Variants in COL28A1 observed in about 807,000 individuals in gnomAD.
The protein encoded by COL28A1 is collagen type XXVIII alpha 1 chain.
COL28A1 carries 161 observed loss-of-function variants against 150.2 expected under a neutral mutation model. The observed-to-expected ratio is 1.07, with a 90% CI of 0.94 to 1.22. The LOEUF (loss-of-function observed/expected upper bound fraction) is 1.22. Among genes scored for constraint, COL28A1 ranks in the 50% most tolerant of loss-of-function variants. The pLI is 0.00. For missense variants in COL28A1, 1,617 were observed against 1,388.3 expected (o/e 1.16, Z -2.62); for synonymous variants, 552 against 469.7 (o/e 1.18, Z -2.26).
chr7:7,538,714 T>A (rs1340372913), upstream of COL28A1, among the ~76,000 whole-genome samples: 3 of 152,126 alleles, frequency 2.0e-5, no homozygotes, highest in African/African-American at 7.2e-5. Context: ...GAGAATTGTA[T>A]CTGCATGAAG....
chr7:7,392,268 T>G (rs1449222660), intron 27 of COL28A1, among the ~76,000 whole-genome samples: 3 of 152,178 alleles, frequency 2.0e-5, no homozygotes, highest in Non-Finnish European at 4.4e-5. Flanking sequence ...AAATTCTGGG[T>G]TGAAAATTCT....
At chr7:7,444,529 A>G (rs763616948) in intron 18 of COL28A1, 40 bp from the exon 19 acceptor site, 26 of 1,593,614 alleles carry the variant, frequency 1.6e-5, no homozygotes, top group Non-Finnish European at 2.2e-5. Flanking sequence ...TAAAGTTCAT[A>G]CCTCCATTCT....
intron 11 of COL28A1, among the ~76,000 whole-genome samples, chr7:7,492,154 G>A (rs1779946999): frequency 6.6e-6 from 1 of 152,200 alleles, no homozygotes; most frequent in Admixed American, 6.5e-5. Flanking sequence ...TCTCTGAGAT[G>A]AAGGGAGATA....
intron 27 of COL28A1, among the ~76,000 whole-genome samples, chr7:7,415,945 G>C (rs1311965493): frequency 3.3e-5 from 5 of 152,146 alleles, no homozygotes; most frequent in Non-Finnish European, 7.3e-5. Context: ...TGGGACTACA[G>C]ACATGCACCA....
At chr7:7,344,183 G>T in the COL28A1 span, among the ~76,000 whole-genome samples, 1 of 152,046 alleles carries the variant, frequency 6.6e-6, no homozygotes, top group Admixed American at 6.6e-5. Context: ...TTGAATGTAT[G>T]ATTGTCCTTT....
intron 25 of COL28A1, among the ~76,000 whole-genome samples, chr7:7,422,744 C>T (rs972541896): frequency 1.3e-5 from 2 of 152,064 alleles, no homozygotes; most frequent in African/African-American, 4.8e-5. Flanking sequence ...AAAACTGAAC[C>T]TGGATGTAAA....
chr7:7,512,999 A>C (rs996905615), intron 8 of COL28A1, among the ~76,000 whole-genome samples: 1 of 152,150 alleles, frequency 6.6e-6, no homozygotes, highest in African/African-American at 2.4e-5. Context: ...TGTCAGCTGA[A>C]CTTTAAACAG....
In COL28A1 at chr7:7,480,429, A is replaced by C. The variant is rs576565958; in HGVS notation, c.1165-3249T>G. On this transcript the variant is annotated intron_variant, in intron 13 of 34. Coordinates refer to ENST00000399429, the MANE Select transcript of COL28A1 (RefSeq NM_001037763.3). ...GACAGTTTATTGTACGGGCAGAGCA[A>C]TTAGCTAGTAGGAAAATAAATAGGA... is the stretch of plus-strand genomic sequence containing the variant. Among the ~76,000 whole-genome samples, 10 of 152,320 alleles carry C rather than the reference A, an allele frequency of 6.6e-5. No homozygotes were observed. The South Asian group carries it at 1.0e-3, about 16-fold the overall frequency.
chr7:7,395,994 A>C (rs1020358574), intron 27 of COL28A1, among the ~76,000 whole-genome samples: 26 of 152,230 alleles, frequency 1.7e-4, no homozygotes, highest in African/African-American at 6.3e-4. Flanking sequence ...ACCTACCTGA[A>C]TAGTCAACAA....
At chr7:7,434,354 T>C (rs1297812437) in intron 23 of COL28A1, among the ~76,000 whole-genome samples, 1 of 152,180 alleles carries the variant, frequency 6.6e-6, no homozygotes, top group East Asian at 1.9e-4. Flanking sequence ...TTTTTTATGC[T>C]ATTCCAGTTA....
intron 11 of COL28A1, among the ~76,000 whole-genome samples, chr7:7,505,582 TA>T (rs1472388761): frequency 1.3e-5 from 2 of 152,122 alleles, no homozygotes; most frequent in African/African-American, 2.4e-5. Flanking sequence ...TCCCTGTAAT[TA>T]AAAAAAGCTT....
At chr7:7,407,415 C>A (rs1252445932) in intron 27 of COL28A1, among the ~76,000 whole-genome samples, 1 of 151,696 alleles carries the variant, frequency 6.6e-6, no homozygotes, top group Non-Finnish European at 1.5e-5. Flanking sequence ...GAATGCAAAA[C>A]ACTAAATAAA....
chr7:7,353,270 AAG>A (rs1780272890), downstream of COL28A1, among the ~76,000 whole-genome samples: 1 of 152,208 alleles, frequency 6.6e-6, no homozygotes, highest in Non-Finnish European at 1.5e-5. Flanking sequence ...GAACAAAGAC[AAG>A]AGATCAATCT....
intron 27 of COL28A1, among the ~76,000 whole-genome samples, chr7:7,391,129 C>T (rs536070031): frequency 3.0e-4 from 45 of 152,236 alleles, no homozygotes; most frequent in African/African-American, 1.1e-3. Context: ...TATAAATTTC[C>T]CTCTAAACAC....
At chr7:7,427,003 GT>G (rs1262068933) in intron 25 of COL28A1, among the ~76,000 whole-genome samples, 6 of 152,182 alleles carry the variant, frequency 3.9e-5, no homozygotes. Context: ...TATGTTTATG[GT>G]GATGTGGGCA....
chr7:7,474,637 TG>T lies in COL28A1; in HGVS notation c.1265del (p.Pro422HisfsTer16). ...TGATTGACAGGCCTTGTAATCCCTG[TG>T]GGCCAGTTGGTCCTTCAGAACCTTT... ...GEKGSEGPTG[P>X]QGLQGLSIKG... On this transcript the variant is annotated frameshift_variant, in exon 15 of 35. Coordinates refer to ENST00000399429, the MANE Select transcript of COL28A1 (RefSeq NM_001037763.3). LOFTEE classifies it high-confidence loss of function. 4 of 1,435,418 alleles carry T rather than the reference TG, an allele frequency of 2.8e-6. No homozygotes were observed. Among genetic ancestry groups the T allele is most frequent in the Admixed American group, 1.7e-5 (1 of 59,800 alleles). 88.9% of individuals were successfully genotyped at this position (1,435,418 alleles called of 1,614,324 possible). A position where few individuals can be genotyped will look rare whatever the true frequency, so the allele number is the denominator to read the frequency against.
At chr7:7,428,362 G>C (rs1287748109) in intron 25 of COL28A1, among the ~76,000 whole-genome samples, 1 of 152,188 alleles carries the variant, frequency 6.6e-6, no homozygotes. Flanking sequence ...AAAGCTAAGA[G>C]ACGGGCACGG....
At chr7:7,452,194 T>C (rs1786747168) in intron 18 of COL28A1, 125 bp downstream of exon 18, 2 of 1,409,896 alleles carry the variant, frequency 1.4e-6, no homozygotes, top group South Asian at 2.9e-5. Flanking sequence ...ACTTAAAAAG[T>C]AAAAGGAGCC....
At chr7:7,497,490 A>G (rs747380948) in intron 11 of COL28A1, among the ~76,000 whole-genome samples, 3 of 152,208 alleles carry the variant, frequency 2.0e-5, no homozygotes, top group Admixed American at 6.5e-5. Context: ...CCAATAAAAT[A>G]TAGGACTGGG....
Sources: gnomAD v4.1 joint callset for allele counts (sites outside exome capture counted in the v4.1 genomes callset) on GRCh38, gnomAD v4.1.1 for gene constraint, MANE v1.5 for transcripts, NCBI Gene and HGNC (gene_info 2026-07-23, HGNC 2026-07-21) for gene names.